PHACTR2: variants seen among roughly 807,000 people sequenced by gnomAD.
PHACTR2 encodes phosphatase and actin regulator 2, also known as chromosome 6 open reading frame 56.
In PHACTR2, 30 loss-of-function variants were observed where a neutral mutation model predicts 76.0. That is an observed-to-expected ratio of 0.39 (90% confidence interval 0.30 to 0.54). The LOEUF is 0.54. PHACTR2 is among the 20% of genes least tolerant of loss of function. PHACTR2 has a pLI of 0.61. For missense variants in PHACTR2, 696 were observed against 781.1 expected, an observed-to-expected ratio of 0.89 and a Z score of 1.30; for synonymous variants, 292 against 292.5, an observed-to-expected ratio of 1.00 and a Z score of 0.02.
intron 1 of PHACTR2, among the ~76,000 whole-genome samples, chr6:143,649,386 A>G (rs1346331778): frequency 6.6e-6 from 1 of 152,198 alleles, no homozygotes; most frequent in East Asian, 1.9e-4. Context: ...GAGATACAAC[A>G]AAAAAAGAAA....
chr6:143,736,105 C>T (rs1035520069), intron 2 of PHACTR2, among the ~76,000 whole-genome samples: 21 of 152,026 alleles, frequency 1.4e-4, no homozygotes, highest in African/African-American at 5.1e-4. Flanking sequence ...CATAACTCAC[C>T]TTAACCTCTA....
intron 2 of PHACTR2, among the ~76,000 whole-genome samples, chr6:143,714,701 C>T (rs993040202): frequency 3.3e-5 from 5 of 152,108 alleles, no homozygotes; most frequent in African/African-American, 7.2e-5. Flanking sequence ...ATCTCTTTTC[C>T]GTCCACTTCT....
chr6:143,789,033 G>A lies in PHACTR2; in HGVS notation c.1845+123G>A. 1 of 789,540 alleles carries A rather than the reference G, an allele frequency of 1.3e-6. No individual in the cohort carries two copies. The highest frequency in any genetic ancestry group is 2.0e-6 in the Non-Finnish European group (1 of 500,250). The allele number at this position is 789,540 out of a possible 1,614,324, so 48.9% of individuals were successfully genotyped here. On this transcript the variant is annotated intron_variant, in intron 11 of 12. Transcript: ENST00000440869. This position sits in a 1 kb window ranked among gnomAD's most constrained non-coding sequence, Gnocchi z 5.1. The stretch of plus-strand genomic sequence containing the variant: ...TTACCAAATATTACAACAGTTTTCT[G>A]CCTCTGATTATTTAAGCCACTTAAG...
chr6:143,657,335 G>T (rs1050816024), intron 1 of PHACTR2, among the ~76,000 whole-genome samples: 4 of 151,958 alleles, frequency 2.6e-5, no homozygotes, highest in Non-Finnish European at 4.4e-5. Flanking sequence ...CCCCTATCAA[G>T]ATGTAGAATA....
rs1349414422 is a variant in PHACTR2 at position 143,780,198 on chromosome 6, A to C, written c.1645+2815A>C. Among the ~76,000 whole-genome samples, 1 of 152,164 alleles carries C rather than the reference A, an allele frequency of 6.6e-6. No homozygotes were observed. The highest frequency in any genetic ancestry group is 2.4e-5 in the African/African-American group (1 of 41,442). ...TGGAGGAATTTTACAGTAAATCCGC[A>C]TATATCTACCATCTATAGTCTGTCA... On this transcript the variant is annotated intron_variant, in intron 9 of 12. Coordinates refer to ENST00000440869, the MANE Select transcript of PHACTR2 (RefSeq NM_001100164.2). The surrounding 1 kb of genome is among the most constrained non-coding windows in gnomAD (Gnocchi z 4.4).
rs1427694138 is a variant in PHACTR2 at position 143,780,456 on chromosome 6, T to C, written c.1646-2763T>C. Among the ~76,000 whole-genome samples the C allele has an allele frequency of 6.6e-6, 1 of 151,464 alleles. No homozygotes were observed. Among genetic ancestry groups the C allele is most frequent in the Non-Finnish European group, 1.5e-5 (1 of 67,884 alleles). On this transcript the variant is annotated intron_variant, in intron 9 of 12. Transcript: ENST00000440869. The surrounding 1 kb of genome is among the most constrained non-coding windows in gnomAD (Gnocchi z 4.4). ...GTGAGATCTCATCTCCACCAAAAAT[T>C]GAAAAAACAAAACATCTACATGGAA...
intron 1 of PHACTR2, among the ~76,000 whole-genome samples, chr6:143,640,472 C>T (rs1018994116): frequency 3.3e-5 from 5 of 152,018 alleles, no homozygotes; most frequent in Non-Finnish European, 5.9e-5. Context: ...TAGCTAGATG[C>T]GTTTATGGAA....
chr6:143,821,217 G>GAC lies in PHACTR2; in HGVS notation c.1923-2453_1923-2452dup, dbSNP rs1163263416. On this transcript the variant is annotated intron_variant, in intron 12 of 12. Transcript: ENST00000440869. This position sits in a 1 kb window ranked among gnomAD's most constrained non-coding sequence, Gnocchi z 5.2. ...TAGACTAAGAACAGAACTCAAAGTGGACACATTCCTGCTTTAGTAATAAAT... is the reference window on the plus strand; with the variant it reads ...TAGACTAAGAACAGAACTCAAAGTGGACACACATTCCTGCTTTAGTAATAAAT... 2.6e-5 allele frequency among the ~76,000 whole-genome samples: 4 copies of GAC among 152,236 alleles called. No individual in the cohort carries two copies. The highest frequency in any genetic ancestry group is 4.4e-5 in the Non-Finnish European group (3 of 68,046).
At chr6:143,538,232 T>C (rs1304576437) in intron 1 of PHACTR2, among the ~76,000 whole-genome samples, 1 of 152,250 alleles carries the variant, frequency 6.6e-6, no homozygotes, top group Non-Finnish European at 1.5e-5. Flanking sequence ...CTAAGGCCGA[T>C]GCTGCCGGCC....
At chr6:143,813,105 C>T (rs1181193891) in intron 12 of PHACTR2, among the ~76,000 whole-genome samples, 2 of 152,028 alleles carry the variant, frequency 1.3e-5, no homozygotes, top group Non-Finnish European at 2.9e-5. Flanking sequence ...ATAAACTTCT[C>T]ATTTTGTAAA....
intron 1 of PHACTR2, among the ~76,000 whole-genome samples, chr6:143,638,085 A>G (rs1359657419): frequency 2.0e-5 from 3 of 152,268 alleles, no homozygotes; most frequent in African/African-American, 7.2e-5. Context: ...GAGCAAGGTT[A>G]CAATAATATT....
intron 7 of PHACTR2, 138 bp from the exon 8 acceptor site, chr6:143,773,921 A>G (rs1582867028): frequency 1.8e-6 from 1 of 549,498 alleles, no homozygotes; most frequent in East Asian, 3.1e-5. Flanking sequence ...TTTTTTCCTT[A>G]GGTTAATTAA....
chr6:143,720,480 T>A (rs1032422458), intron 2 of PHACTR2, among the ~76,000 whole-genome samples: 1 of 152,108 alleles, frequency 6.6e-6, no homozygotes, highest in African/African-American at 2.4e-5. Flanking sequence ...TCCTGGGAAG[T>A]CATCACAGAG....
intron 1 of PHACTR2, among the ~76,000 whole-genome samples, chr6:143,702,116 T>A (rs1228958842): frequency 6.7e-6 from 1 of 149,142 alleles, no homozygotes; most frequent in Non-Finnish European, 1.5e-5. Context: ...GATTGTGCAA[T>A]GTCTTCTTTG....
intron 2 of PHACTR2, among the ~76,000 whole-genome samples, chr6:143,725,820 C>CAAAAAAAA (rs35596471): frequency 3.0e-5 from 4 of 131,992 alleles, no homozygotes; most frequent in African/African-American, 8.6e-5. Flanking sequence ...GACTCTGTCT[C>CAAAAAAAA]AAAAAAAAAA....
chr6:143,681,710 A>G (rs905537840), intron 1 of PHACTR2, among the ~76,000 whole-genome samples: 1 of 152,200 alleles, frequency 6.6e-6, no homozygotes, highest in Non-Finnish European at 1.5e-5. Flanking sequence ...AGCGTTTTAT[A>G]ATTTTGGCTG....
rs370940187 is a variant in PHACTR2, at chr6:143,619,965, G to C, written c.13+11643G>C. Among the ~76,000 whole-genome samples, 3 of 151,290 alleles carry C rather than the reference G, an allele frequency of 2.0e-5. No individual in the cohort carries two copies. The highest frequency in any genetic ancestry group is 3.0e-5 in the Non-Finnish European group (2 of 67,716). ...CATGTCACTCGGTCGGGGGTGGGGG[G>C]TCAGTTCATTTGTTCAAACAGTAAG... On this transcript the variant is annotated intron_variant, in intron 1 of 11. Transcript: ENST00000305766. This position sits in a 1 kb window ranked among gnomAD's most constrained non-coding sequence, Gnocchi z 4.5.
chr6:143,763,634 C>G (rs1204215710), intron 5 of PHACTR2, among the ~76,000 whole-genome samples: 1 of 152,128 alleles, frequency 6.6e-6, no homozygotes, highest in African/African-American at 2.4e-5. Context: ...ACGATAAAGA[C>G]CCCAAAACCA....
intron 1 of PHACTR2, among the ~76,000 whole-genome samples, chr6:143,576,149 T>C (rs1775504384): frequency 6.6e-6 from 1 of 152,256 alleles, no homozygotes; most frequent in Non-Finnish European, 1.5e-5. Flanking sequence ...CTTGGTGTCT[T>C]CACATTAGAT....
Sources: gnomAD v4.1 joint callset for allele counts (sites outside exome capture counted in the v4.1 genomes callset) on GRCh38, gnomAD v4.1.1 for gene constraint, Gnocchi (gnomAD v3.1) non-coding constraint, MANE v1.5 for transcripts, NCBI Gene and HGNC (gene_info 2026-07-23, HGNC 2026-07-21) for gene names.